Variants in NXPH2 observed in about 807,000 individuals in gnomAD.
The protein encoded by NXPH2 is neurexophilin-2.
In NXPH2, 5 loss-of-function variants were observed where a neutral mutation model predicts 19.8. The ratio of observed to expected loss-of-function variants is 0.25; its 90% confidence interval spans 0.13 to 0.53. The LOEUF is 0.53. Among genes scored for constraint, NXPH2 ranks in the 20% least tolerant of loss-of-function variants. The pLI, the probability that NXPH2 is intolerant of heterozygous loss-of-function variation, is 0.96. For synonymous variants in NXPH2, 154 were observed against 127.4 expected (o/e 1.21, Z -1.41); for missense variants, 289 against 322.8 (o/e 0.90, Z 0.80).
At chr2:138,746,346 G>T (rs7423383) in intron 1 of NXPH2, among the ~76,000 whole-genome samples, 4,448 of 152,264 alleles carry the variant, frequency 0.029, 187 homozygotes, top group African/African-American at 0.087. Flanking sequence ...CCTGTGAAGC[G>T]GCAGTTCACT....
At chr2:138,706,459 G>A (rs1427648396) in intron 1 of NXPH2, among the ~76,000 whole-genome samples, 1 of 152,174 alleles carries the variant, frequency 6.6e-6, no homozygotes, top group Non-Finnish European at 1.5e-5. Flanking sequence ...CTGGTGGGCT[G>A]TTCTCTAGGA....
At chr2:138,736,748 A>G (rs116651669) in intron 1 of NXPH2, among the ~76,000 whole-genome samples, 3,177 of 152,294 alleles carry the variant, frequency 0.021, 50 homozygotes, top group Non-Finnish European at 0.033. Flanking sequence ...CCAAACTTTT[A>G]TGCTATTTCC....
intron 1 of NXPH2, among the ~76,000 whole-genome samples, chr2:138,775,234 T>C (rs1158962468): frequency 6.6e-6 from 1 of 152,174 alleles, no homozygotes; most frequent in East Asian, 1.9e-4. Flanking sequence ...AGATAATTCC[T>C]TATTATATAC....
chr2:138,673,131 G>A (rs958787432), intron 1 of NXPH2, among the ~76,000 whole-genome samples: 1 of 152,052 alleles, frequency 6.6e-6, no homozygotes, highest in Admixed American at 6.6e-5. Context: ...ATTTTCTTCC[G>A]CATTCCTGGA....
At chr2:138,735,946 T>A (rs1476289411) in intron 1 of NXPH2, among the ~76,000 whole-genome samples, 1 of 152,158 alleles carries the variant, frequency 6.6e-6, no homozygotes, top group Non-Finnish European at 1.5e-5. Flanking sequence ...TCCAAAATGA[T>A]CTCCTTTGAA....
At chr2:138,756,264 C>T (rs1681906697) in intron 1 of NXPH2, among the ~76,000 whole-genome samples, 2 of 152,110 alleles carry the variant, frequency 1.3e-5, no homozygotes, top group South Asian at 4.2e-4. Context: ...TTGATCAAAA[C>T]ATATAATGCC....
At chr2:138,678,212 T>C (rs1354380650) in intron 1 of NXPH2, among the ~76,000 whole-genome samples, 8 of 152,228 alleles carry the variant, frequency 5.3e-5, no homozygotes, top group Non-Finnish European at 1.2e-4. Context: ...AATTTTGCTT[T>C]ATTCTATATT....
intron 1 of NXPH2, among the ~76,000 whole-genome samples, chr2:138,676,153 T>C (rs1680481555): frequency 2.0e-5 from 3 of 152,166 alleles, no homozygotes; most frequent in African/African-American, 7.2e-5. Context: ...GACTTCCAAA[T>C]CTAAACCCAA....
Position 138,734,467 on chromosome 2 carries a change from A to G in NXPH2, c.51+45724T>C, listed in dbSNP as rs570105759. ...ATGAGGTAAACACAGTAACTATTCA[A>G]TGTGACAGGTGGTAGAAAGGAAGAA... On this transcript the variant is annotated intron_variant, in intron 1 of 1. Coordinates refer to ENST00000272641, the MANE Select transcript of NXPH2 (RefSeq NM_007226.3). Among the ~76,000 whole-genome samples, 4 of 152,322 alleles carry G rather than the reference A, an allele frequency of 2.6e-5. No individual in the cohort carries two copies. In the East Asian group the frequency reaches 7.7e-4, roughly 29 times the overall value.
chr2:138,711,920 T>C lies in NXPH2; in HGVS notation c.52-40255A>G, dbSNP rs75617955. On this transcript the variant is annotated intron_variant, in intron 1 of 1. Coordinates refer to ENST00000272641, the MANE Select transcript of NXPH2 (RefSeq NM_007226.3). ...CTGGTCTGGCACAGTTTGTACCATT[T>C]GGCTTATGTTTAGTTTCATCTAAAG... 6.6e-5 allele frequency among the ~76,000 whole-genome samples: 10 copies of C among 152,376 alleles called. No individual in the cohort carries two copies. In the East Asian group the frequency reaches 1.9e-3, roughly 29 times the overall value.
At chr2:138,770,016 C>G (rs1682152388) in intron 1 of NXPH2, among the ~76,000 whole-genome samples, 1 of 152,068 alleles carries the variant, frequency 6.6e-6, no homozygotes, top group African/African-American at 2.4e-5. Flanking sequence ...CAGAAACATG[C>G]ATAATTTTAA....
chr2:138,757,807 GTTTC>G lies in NXPH2; in HGVS notation c.51+22380_51+22383del, dbSNP rs1160973736. Reference sequence around the variant, plus strand: ...TATGTGTATGTATGTATATGTGTGTGTTTCTTTATCTATCTATCTATCTATCTAT... The same window carrying G: ...TATGTGTATGTATGTATATGTGTGTGTTTATCTATCTATCTATCTATCTAT... On this transcript the variant is annotated intron_variant, in intron 1 of 1. Transcript: ENST00000272641. Among the ~76,000 whole-genome samples, 25 of 139,728 alleles carry G rather than the reference GTTTC, an allele frequency of 1.8e-4. 1 individual carries two copies. Among genetic ancestry groups the G allele is most frequent in the African/African-American group, 6.2e-4 (23 of 36,854 alleles). 91.7% of individuals were successfully genotyped at this position (139,728 alleles called of 152,430 possible). A position where few individuals can be genotyped will look rare whatever the true frequency, so the allele number is the denominator to read the frequency against.
At position 138,780,247 on chromosome 2, in the gene NXPH2, C is replaced by T. The variant is rs767997762; in HGVS notation, c.-6G>A. On this transcript the variant is annotated 5_prime_UTR_variant, in exon 1 of 2. Transcript: ENST00000272641. ...GGCAGCGGCCGCAGGCGCATGGTGC[C>T]GGCTGGCGCGGCTTTTCACGAGCTG... 1 of 1,428,846 alleles carries T rather than the reference C, an allele frequency of 7.0e-7. No homozygotes were observed. The highest frequency in any genetic ancestry group is 9.1e-7 in the Non-Finnish European group (1 of 1,102,028). 88.5% of individuals were successfully genotyped at this position (1,428,846 alleles called of 1,614,324 possible).
At chr2:138,696,314 A>T (rs1157790314) in intron 1 of NXPH2, among the ~76,000 whole-genome samples, 1 of 152,166 alleles carries the variant, frequency 6.6e-6, no homozygotes, top group East Asian at 1.9e-4. Context: ...CCAGAAATAA[A>T]CCCACATATT....
At chr2:138,687,576 T>G (rs1357400770) in intron 1 of NXPH2, among the ~76,000 whole-genome samples, 1 of 152,248 alleles carries the variant, frequency 6.6e-6, no homozygotes, top group Non-Finnish European at 1.5e-5. Context: ...TTGTCAATTT[T>G]GGCTTTTGTT....
rs79966654 is a variant in NXPH2 at position 138,685,302 on chromosome 2, C to T, written c.52-13637G>A. On this transcript the variant is annotated intron_variant, in intron 1 of 1. Transcript: ENST00000272641. ...TGTGAGCCAATTCCTTGAAATACAG[C>T]TCTTGAGATATCTACCTCTCTATCT... 0.012 allele frequency among the ~76,000 whole-genome samples: 1,815 copies of T among 152,310 alleles called. 119 individuals carry two copies. The East Asian group carries it at 0.2, about 17-fold the overall frequency.
chr2:138,760,432 G>T (rs1681992164), intron 1 of NXPH2, among the ~76,000 whole-genome samples: 1 of 152,200 alleles, frequency 6.6e-6, no homozygotes, highest in African/African-American at 2.4e-5. Context: ...ATTCTGGGAA[G>T]ATATATATAG....
chr2:138,738,169 G>A (rs530688690), intron 1 of NXPH2, among the ~76,000 whole-genome samples: 12 of 149,482 alleles, frequency 8.0e-5, no homozygotes, highest in Admixed American at 2.7e-4. Context: ...ATTTTCATAC[G>A]TAGAAACAGT....
chr2:138,735,320 G>A (rs1039501370), intron 1 of NXPH2, among the ~76,000 whole-genome samples: 3 of 152,096 alleles, frequency 2.0e-5, no homozygotes, highest in African/African-American at 7.2e-5. Context: ...AGGTTTAATG[G>A]ACTCACAGTT....
Sources: allele counts gnomAD v4.1 joint callset (sites outside exome capture counted in the v4.1 genomes callset), GRCh38; gene constraint gnomAD v4.1.1; transcripts MANE v1.5; gene names NCBI Gene and HGNC (gene_info 2026-07-23, HGNC 2026-07-21).